The following REEP6 variants were observed in gnomAD, a reference collection of about 807,000 sequenced individuals.
The protein encoded by REEP6 is receptor accessory protein 6.
A neutral mutation model predicts 22.4 loss-of-function variants in REEP6; 19 were observed. The observed-to-expected ratio is 0.85, with a 90% CI of 0.59 to 1.25. REEP6 has a LOEUF of 1.25. REEP6 is among the 50% of genes most tolerant of loss of function. REEP6 has a pLI of 0.00. For missense variants in REEP6, 273 were observed against 251.9 expected, an observed-to-expected ratio of 1.08 and a Z score of -0.57; for synonymous variants, 121 against 113.6, an observed-to-expected ratio of 1.06 and a Z score of -0.41.
rs751512189 is a variant in REEP6 at position 1,496,373 on chromosome 19, G to C, written c.437G>C (p.Arg146Thr). ...YQRVVRPLFL[R>T]HHGAVDRIMN... ...CGCGTCGTGCGTCCGCTGTTCCTAA[G>C]GCACCACGGGGCCGTAGACAGAATC... Residue 146 changes from arginine to threonine, a missense_variant, in exon 4 of 5, where the codon AGG becomes ACG. Transcript: ENST00000233596. The C allele has an allele frequency of 1.9e-6, 3 of 1,613,122 alleles. No homozygotes were observed. The highest frequency in any genetic ancestry group is 2.2e-5 in the South Asian group (2 of 91,092).
rs979828126 is a variant in REEP6, at chr19:1,491,463, C to A, written c.115+79C>A. On this transcript the variant is annotated intron_variant, in intron 1 of 4. Transcript: ENST00000233596. This position sits in a 1 kb window ranked among gnomAD's most constrained non-coding sequence, Gnocchi z 5.4. ...CTGGGGGTCGCAGACCGGACTCCTT[C>A]CCCGGCTACGGGGTCCGGTCCGGCC... 2 of 1,032,792 alleles carry A rather than the reference C, an allele frequency of 1.9e-6. No homozygotes were observed. Among genetic ancestry groups the A allele is most frequent in the African/African-American group, 1.7e-5 (1 of 59,248 alleles). 64.0% of individuals were successfully genotyped at this position (1,032,792 alleles called of 1,614,324 possible).
At chr19:1,495,437 C>T (rs775263549) in intron 2 of REEP6, 32 bp from the exon 3 acceptor site, 1 of 1,613,784 alleles carries the variant, frequency 6.2e-7, no homozygotes, top group Non-Finnish European at 8.5e-7. Context: ...GGCTCCCTGG[C>T]AGCCCCTGAC....
chr19:1,494,600 C>T (rs1032998687), intron 1 of REEP6, among the ~76,000 whole-genome samples: 4 of 152,238 alleles, frequency 2.6e-5, no homozygotes, highest in East Asian at 3.8e-4. Context: ...CCTGGCCTCC[C>T]TTGCAGGTTT....
chr19:1,497,226 C>T lies in REEP6; in HGVS notation c.*15C>T. On this transcript the variant is annotated 3_prime_UTR_variant, in exon 5 of 5. Transcript: ENST00000233596. This position sits in a 1 kb window ranked among gnomAD's most constrained non-coding sequence, Gnocchi z 6.5. ...AGGACAAGTGAAGCAGCCCCCTGAG[C>T]CTCACAAGGACCTCCTGGCTGGTGA... 6.5e-7 allele frequency: 1 copy of T among 1,544,178 alleles called. No homozygotes were observed. The highest frequency in any genetic ancestry group is 8.7e-7 in the Non-Finnish European group (1 of 1,143,526).
intron 1 of REEP6, among the ~76,000 whole-genome samples, chr19:1,493,708 GACACACACACAC>G (rs55971424): frequency 1.4e-4 from 20 of 140,666 alleles, no homozygotes; most frequent in South Asian, 9.6e-4. Context: ...GGCTGAGCTG[GACACACACACAC>G]ACACACACAC....
chr19:1,493,948 C>A (rs2084985949), intron 1 of REEP6, among the ~76,000 whole-genome samples: 1 of 152,100 alleles, frequency 6.6e-6, no homozygotes, highest in African/African-American at 2.4e-5. Context: ...ATCAGCTGGG[C>A]ATGGTGGTAC....
intron 1 of REEP6, among the ~76,000 whole-genome samples, chr19:1,493,062 C>G (rs563200659): frequency 3.9e-5 from 6 of 152,172 alleles, no homozygotes; most frequent in African/African-American, 9.7e-5. Flanking sequence ...TGTGCCTGTT[C>G]TGTCTGAAGC....
chr19:1,497,035 C>A lies in REEP6; in HGVS notation c.518-139C>A. 1 of 662,714 alleles carries A rather than the reference C, an allele frequency of 1.5e-6. No homozygotes were observed. Among genetic ancestry groups the A allele is most frequent in the Non-Finnish European group, 2.5e-6 (1 of 397,676 alleles). 41.1% of individuals were successfully genotyped at this position (662,714 alleles called of 1,614,324 possible). ...ACCATGAAAGCCTCTGTGTGGTTGA[C>A]ACCATCTCTGCTGAGGGTGGCTGCC... On this transcript the variant is annotated intron_variant, in intron 4 of 4. Transcript: ENST00000233596. The surrounding 1 kb of genome is among the most constrained non-coding windows in gnomAD (Gnocchi z 6.5).
intron 3 of REEP6, 127 bp from the exon 4 acceptor site, chr19:1,496,158 A>G: frequency 8.4e-7 from 1 of 1,187,116 alleles, no homozygotes; most frequent in Non-Finnish European, 1.2e-6. Flanking sequence ...CCCACCCTAA[A>G]GGGTGTCTGA....
At chr19:1,494,408 AGGCCAG>A (rs2084989177) in intron 1 of REEP6, among the ~76,000 whole-genome samples, 1 of 152,192 alleles carries the variant, frequency 6.6e-6, no homozygotes, top group South Asian at 2.1e-4. Context: ...GAGTGGGCAG[AGGCCAG>A]GGACACTGCT....
Position 1,495,377 on chromosome 19 carries a change from G to A in REEP6, c.199G>A (p.Ala67Thr), listed in dbSNP as rs148789777. Reference protein sequence around the residue: ...LCNLIGFVYPAYASIKAIESP... With the variant: ...LCNLIGFVYPTYASIKAIESP... ...CAATCTCATCGGATTTGTGTACCCC[G>A]CATATGCCTCGTGAGTGCACGGCTG... Residue 67 changes from alanine to threonine, a missense_variant, in exon 2 of 5, where the codon GCA becomes ACA. By Grantham distance (58) the Ala-to-Thr change is moderately conservative. Coordinates refer to ENST00000233596, the MANE Select transcript of REEP6 (RefSeq NM_138393.4). 34 of 1,613,646 alleles carry A rather than the reference G, an allele frequency of 2.1e-5. No individual in the cohort carries two copies. The highest frequency in any genetic ancestry group is 1.6e-4 in the African/African-American group (12 of 74,946).
intron 4 of REEP6, chr19:1,496,806 C>T (rs1009678119): frequency 2.9e-5 from 17 of 580,702 alleles, no homozygotes; most frequent in Non-Finnish European, 4.8e-5. Context: ...CAAGAGGGTG[C>T]GTGTGCATGG....
chr19:1,495,240 C>T (rs1053314718), intron 1 of REEP6, 54 bp from the exon 2 acceptor site: 12 of 1,565,992 alleles, frequency 7.7e-6, no homozygotes, highest in African/African-American at 5.4e-5. Flanking sequence ...TGGGTACCGT[C>T]GTGGGGGCTC....
At chr19:1,496,952 G>GTGCGTGTGCATGACTGCACA (rs1568235997) in intron 4 of REEP6, among the ~76,000 whole-genome samples, 1 of 152,150 alleles carries the variant, frequency 6.6e-6, no homozygotes, top group Admixed American at 6.5e-5. Flanking sequence ...GTGTGAGTGC[G>GTGCGTGTGCATGACTGCACA]TGCGTGTGCA....
At chr19:1,495,189 A>G in intron 1 of REEP6, 105 bp from the exon 2 acceptor site, 1 of 1,060,792 alleles carries the variant, frequency 9.4e-7, no homozygotes, top group Non-Finnish European at 1.4e-6. Flanking sequence ...GGCTCCTGGG[A>G]GGAGGTGACG....
Position 1,497,372 on chromosome 19 carries a change from G to T in REEP6, c.*161G>T, listed in dbSNP as rs551486313. The T allele has an allele frequency of 1.3e-6, 1 of 748,072 alleles. No homozygotes were observed. Among genetic ancestry groups the T allele is most frequent in the African/African-American group, 1.7e-5 (1 of 57,874 alleles). 46.3% of individuals were successfully genotyped at this position (748,072 alleles called of 1,614,324 possible). A position where few individuals can be genotyped will look rare whatever the true frequency, so the allele number is the denominator to read the frequency against. ...TGGGGGTCTCCTTAAATGCCACCTC[G>T]GGCAAGTCCCAGTCCCAGTCCTCGG... On this transcript the variant is annotated 3_prime_UTR_variant, in exon 5 of 5. Transcript: ENST00000233596. This position sits in a 1 kb window ranked among gnomAD's most constrained non-coding sequence, Gnocchi z 6.5.
At chr19:1,494,153 T>C (rs1015617134) in intron 1 of REEP6, among the ~76,000 whole-genome samples, 10 of 152,314 alleles carry the variant, frequency 6.6e-5, no homozygotes, top group African/African-American at 2.4e-4. Context: ...GGGCCATTAC[T>C]ACTCCCACTT....
In REEP6 at chr19:1,497,372, G is replaced by C. The variant is rs551486313; in HGVS notation, c.*161G>C. On this transcript the variant is annotated 3_prime_UTR_variant, in exon 5 of 5. Coordinates refer to ENST00000233596, the MANE Select transcript of REEP6 (RefSeq NM_138393.4). The surrounding 1 kb of genome is among the most constrained non-coding windows in gnomAD (Gnocchi z 6.5). ...TGGGGGTCTCCTTAAATGCCACCTC[G>C]GGCAAGTCCCAGTCCCAGTCCTCGG... 1.3e-6 allele frequency: 1 copy of C among 748,072 alleles called. No homozygotes were observed. Among genetic ancestry groups the C allele is most frequent in the Non-Finnish European group, 2.4e-6 (1 of 414,372 alleles). 46.3% of individuals were successfully genotyped at this position (748,072 alleles called of 1,614,324 possible). A position where few individuals can be genotyped will look rare whatever the true frequency, so the allele number is the denominator to read the frequency against.
At chr19:1,492,379 G>A (rs1463644044) in intron 1 of REEP6, among the ~76,000 whole-genome samples, 5 of 152,038 alleles carry the variant, frequency 3.3e-5, no homozygotes, top group Admixed American at 3.3e-4. Context: ...TGCCCACCTC[G>A]GCCTCCCAAA....
Sources: gnomAD v4.1 joint callset for allele counts (sites outside exome capture counted in the v4.1 genomes callset) on GRCh38, gnomAD v4.1.1 for gene constraint, Gnocchi (gnomAD v3.1) non-coding constraint, MANE v1.5 for transcripts, NCBI Gene and HGNC (gene_info 2026-07-23, HGNC 2026-07-21) for gene names.